The following EYS variants were observed in gnomAD, a reference collection of about 807,000 sequenced individuals.
EYS encodes the protein protein eyes shut homolog.
A neutral mutation model predicts 282.1 loss-of-function variants in EYS; 250 were observed. That is an observed-to-expected ratio of 0.89 (90% CI 0.80 to 0.98). EYS has a LOEUF of 0.98. Ranked by LOEUF, EYS falls within the 50% of genes least tolerant of loss-of-function variation. The pLI, the probability that EYS is intolerant of heterozygous loss-of-function variation, is 0.00. For synonymous variants in EYS, 1,355 were observed against 1,282.9 expected, an observed-to-expected ratio of 1.06 and a Z score of -1.20; for missense variants, 4,016 against 3,709.0, an observed-to-expected ratio of 1.08 and a Z score of -2.15.
intron 28 of EYS, among the ~76,000 whole-genome samples, chr6:64,418,090 G>A (rs1488845326): frequency 6.6e-6 from 1 of 152,074 alleles, no homozygotes; most frequent in Non-Finnish European, 1.5e-5. Context: ...AAATTTTAGG[G>A]GAGACAGGGA....
intron 22 of EYS, among the ~76,000 whole-genome samples, chr6:64,644,311 G>C (rs535956390): frequency 8.5e-5 from 2 of 23,630 alleles, no homozygotes; most frequent in African/African-American, 2.4e-4. Flanking sequence ...ACTTAATTAG[G>C]CAGAGTTAAT....
intron 18 of EYS, among the ~76,000 whole-genome samples, chr6:64,890,503 A>G (rs1312070041): frequency 6.6e-6 from 1 of 152,122 alleles, no homozygotes; most frequent in Non-Finnish European, 1.5e-5. Flanking sequence ...TTCTCAAGCC[A>G]GCTGACGCTT....
At chr6:63,956,350 C>A (rs939491381) in intron 35 of EYS, among the ~76,000 whole-genome samples, 1 of 152,084 alleles carries the variant, frequency 6.6e-6, no homozygotes, top group Non-Finnish European at 1.5e-5. Context: ...CCAGAAACAA[C>A]CCCCTTTGAC....
intron 33 of EYS, among the ~76,000 whole-genome samples, chr6:64,037,519 G>C (rs1361619470): frequency 6.6e-6 from 1 of 152,158 alleles, no homozygotes; most frequent in Non-Finnish European, 1.5e-5. Flanking sequence ...ACTTAAAAAT[G>C]TAAAATGTGA....
intron 15 of EYS, among the ~76,000 whole-genome samples, chr6:64,915,049 G>T (rs1323244941): frequency 1.3e-5 from 2 of 151,914 alleles, no homozygotes; most frequent in African/African-American, 4.8e-5. Context: ...ACTTGGTTCA[G>T]TTTGTTGTTC....
intron 14 of EYS, among the ~76,000 whole-genome samples, chr6:64,989,049 G>A (rs1194632174): frequency 6.6e-6 from 1 of 151,136 alleles, no homozygotes; most frequent in East Asian, 1.9e-4. Flanking sequence ...TATGGGACAG[G>A]CATTATGTTA....
At chr6:65,242,607 A>G (rs945396300) in intron 12 of EYS, among the ~76,000 whole-genome samples, 1 of 152,068 alleles carries the variant, frequency 6.6e-6, no homozygotes, top group African/African-American at 2.4e-5. Flanking sequence ...CTGTAGATAC[A>G]TATTTTCAAT....
chr6:64,540,703 C>T (rs1227216357), intron 26 of EYS, among the ~76,000 whole-genome samples: 3 of 152,098 alleles, frequency 2.0e-5, no homozygotes, highest in African/African-American at 4.8e-5. Context: ...AGGCTGGTCT[C>T]GAACTCCTTA....
chr6:63,816,660 ACTCT>A (rs568026051), intron 36 of EYS, among the ~76,000 whole-genome samples: 5 of 152,236 alleles, frequency 3.3e-5, no homozygotes, highest in African/African-American at 1.2e-4. Context: ...TCTAAATATT[ACTCT>A]CTCTCTTTGG....
At chr6:65,068,923 C>T (rs1356159508) in intron 12 of EYS, among the ~76,000 whole-genome samples, 1 of 151,428 alleles carries the variant, frequency 6.6e-6, no homozygotes, top group Non-Finnish European at 1.5e-5. Context: ...CTCTGCACTC[C>T]TCTAATATCT....
In EYS at chr6:63,720,969, G is replaced by C. The variant is rs1561993622; in HGVS notation, c.9062C>G (p.Ala3021Gly). 3 of 1,551,310 alleles carry C rather than the reference G, an allele frequency of 1.9e-6. No individual in the cohort carries two copies. Among genetic ancestry groups the C allele is most frequent in the Non-Finnish European group, 8.7e-7 (1 of 1,146,762 alleles). ...AGAGATTCTTTCTCCCAAGTTAACT[G>C]CTATTTTCAAGGTCTGATTATGGAG... ...IGLHNQTLKI[A>G]VNLGERISVP... The change falls in exon 43 of 43, where the codon GCA becomes GGA. Residue 3021 changes from alanine to glycine, a missense_variant. Transcript: ENST00000503581.
At chr6:64,867,375 T>C (rs1167463912) in intron 19 of EYS, among the ~76,000 whole-genome samples, 1 of 151,750 alleles carries the variant, frequency 6.6e-6, no homozygotes, top group Non-Finnish European at 1.5e-5. Flanking sequence ...GGTGGAAATA[T>C]GCTTAATTCA....
intron 31 of EYS, among the ~76,000 whole-genome samples, chr6:64,189,051 C>T (rs1380366221): frequency 6.6e-6 from 1 of 152,076 alleles, no homozygotes; most frequent in Non-Finnish European, 1.5e-5. Flanking sequence ...AACTCTAAAA[C>T]TGAATGTTTA....
intron 29 of EYS, among the ~76,000 whole-genome samples, chr6:64,355,829 G>T (rs1483091702): frequency 6.6e-6 from 1 of 151,668 alleles, no homozygotes; most frequent in Non-Finnish European, 1.5e-5. Flanking sequence ...CAAGTGGCAA[G>T]TGCCACAGGA....
At chr6:65,596,097 T>C (rs1765394936) in intron 2 of EYS, among the ~76,000 whole-genome samples, 1 of 152,032 alleles carries the variant, frequency 6.6e-6, no homozygotes, top group Non-Finnish European at 1.5e-5. Context: ...TGAGTGAGTG[T>C]GAAAGAGCGT....
At chr6:65,317,822 C>CAGACAGA (rs1562092977) in intron 11 of EYS, among the ~76,000 whole-genome samples, 1 of 53,370 alleles carries the variant, frequency 1.9e-5, no homozygotes. Context: ...TCCTTCCTTC[C>CAGACAGA]TTCCTTTCTT....
At chr6:64,863,110 G>T (rs191991842) in intron 19 of EYS, among the ~76,000 whole-genome samples, 5 of 152,140 alleles carry the variant, frequency 3.3e-5, no homozygotes, top group African/African-American at 1.2e-4. Context: ...TTGTCCCATA[G>T]GTTACTGGGT....
intron 26 of EYS, among the ~76,000 whole-genome samples, chr6:64,511,822 G>A (rs1210725595): frequency 7.3e-6 from 1 of 136,676 alleles, no homozygotes; most frequent in Non-Finnish European, 1.6e-5. Flanking sequence ...AAATTTTGGG[G>A]GGGGGTGTTA....
intron 19 of EYS, among the ~76,000 whole-genome samples, chr6:64,860,170 A>G (rs9453091): frequency 0.55 from 84,150 of 152,102 alleles, 24,098 homozygotes; most frequent in Non-Finnish European, 0.62. Flanking sequence ...TGATTGCTCT[A>G]GAGTTTGCAG....
Sources: allele counts gnomAD v4.1 joint callset (sites outside exome capture counted in the v4.1 genomes callset), GRCh38; gene constraint gnomAD v4.1.1; transcripts MANE v1.5; gene names NCBI Gene and HGNC (gene_info 2026-07-23, HGNC 2026-07-21).